Variants in GAB3 observed in about 807,000 individuals in gnomAD.
GAB3 encodes the protein GRB2-associated-binding protein 3.
GAB3 carries 12 observed loss-of-function variants against 40.4 expected under a neutral mutation model. That is an observed-to-expected ratio of 0.30 (90% CI 0.19 to 0.48). The LOEUF is 0.48. Among genes scored for constraint, GAB3 ranks in the 20% least tolerant of loss-of-function variants. The pLI, the probability that GAB3 is intolerant of heterozygous loss-of-function variation, is 0.99. For synonymous variants in GAB3, 154 were observed against 176.7 expected, an observed-to-expected ratio of 0.87 and a Z score of 1.02; for missense variants, 381 against 461.9, an observed-to-expected ratio of 0.82 and a Z score of 1.61.
rs1016213953 is a variant in GAB3, at chrX:154,694,927, T to C, written c.1530+990A>G. Among the ~76,000 whole-genome samples, 4 of 112,391 alleles carry C rather than the reference T, an allele frequency of 3.6e-5. No individual in the cohort carries two copies. The East Asian group carries it at 1.1e-3, about 31-fold the overall frequency. Reference sequence around the variant, plus strand: ...CATAACAGATTTGTATATGAGTCACTTTGCATCTGCATACGGTTAAGTGCA... The same window carrying C: ...CATAACAGATTTGTATATGAGTCACCTTGCATCTGCATACGGTTAAGTGCA... On this transcript the variant is annotated intron_variant, in intron 8 of 9. Coordinates refer to ENST00000424127, the MANE Select transcript of GAB3 (RefSeq NM_001081573.3).
chrX:154,751,128 G>A, upstream of GAB3: 1 of 715,596 alleles, frequency 1.4e-6, no homozygotes. Context: ...CGCCCGCCCA[G>A]CGCCGCCCCG....
intron 1 of GAB3, among the ~76,000 whole-genome samples, chrX:154,743,800 C>T (rs183437603): frequency 5.0e-4 from 56 of 111,521 alleles, no homozygotes; most frequent in African/African-American, 1.7e-3. Context: ...AAGGCAGAAA[C>T]TGAGGAGAAA....
intron 8 of GAB3, among the ~76,000 whole-genome samples, chrX:154,683,894 C>T (rs951538111): frequency 9.0e-6 from 1 of 111,615 alleles, no homozygotes; most frequent in Non-Finnish European, 1.9e-5. Flanking sequence ...TGGAAGCTTG[C>T]GGTCAATCTT....
chrX:154,681,785 T>C (rs1603421968), intron 8 of GAB3, among the ~76,000 whole-genome samples: 1 of 112,258 alleles, frequency 8.9e-6, no homozygotes, highest in East Asian at 2.8e-4. Flanking sequence ...CTCACTTGAA[T>C]GGATTTTAAT....
At chrX:154,743,991 G>A (rs1286604550) in intron 1 of GAB3, among the ~76,000 whole-genome samples, 3 of 110,400 alleles carry the variant, frequency 2.7e-5, no homozygotes, top group East Asian at 2.8e-4. Context: ...CAAGACAGGC[G>A]GATCACGAGG....
intron 8 of GAB3, 92 bp downstream of exon 8, chrX:154,695,825 G>T: frequency 2.0e-6 from 1 of 490,071 alleles, no homozygotes; most frequent in Middle Eastern, 6.3e-4. Flanking sequence ...AATTGCACAG[G>T]GCTTACTGAA....
intron 8 of GAB3, among the ~76,000 whole-genome samples, chrX:154,685,990 G>A (rs1353898964): frequency 9.0e-6 from 1 of 111,598 alleles, no homozygotes; most frequent in Non-Finnish European, 1.9e-5. Context: ...AGATCAAATA[G>A]ATAATGATCC....
At chrX:154,702,715 T>C (rs1427416520) in intron 4 of GAB3, among the ~76,000 whole-genome samples, 1 of 112,076 alleles carries the variant, frequency 8.9e-6, no homozygotes, top group Non-Finnish European at 1.9e-5. Context: ...AACAACTCTA[T>C]AGGAAAAAAG....
At chrX:154,708,595 C>G (rs2070854266) in intron 4 of GAB3, among the ~76,000 whole-genome samples, 1 of 112,013 alleles carries the variant, frequency 8.9e-6, no homozygotes, top group Admixed American at 9.4e-5. Context: ...AAATGGCCAA[C>G]AGGTATATGA....
At chrX:154,711,071 G>C (rs184431071) in intron 4 of GAB3, among the ~76,000 whole-genome samples, 57 of 111,938 alleles carry the variant, frequency 5.1e-4, no homozygotes, top group Non-Finnish European at 9.8e-4. Context: ...AACATCATTA[G>C]GGACATTAGG....
Position 154,678,066 on chromosome X carries a change from G to T in GAB3, c.*112C>A. ...AAACTACACATTCTCTCTTGGTTTT[G>T]ACCTGTGTTGACCATCAGTGTGTTT... On this transcript the variant is annotated 3_prime_UTR_variant, in exon 10 of 10. Transcript: ENST00000424127. The T allele has an allele frequency of 2.2e-6, 1 of 449,842 alleles. No homozygotes were observed. Among genetic ancestry groups the T allele is most frequent in the South Asian group, 4.1e-5 (1 of 24,364 alleles). 37.1% of individuals were successfully genotyped at this position (449,842 alleles called of 1,213,427 possible).
chrX:154,699,816 T>C (rs1447487217), intron 5 of GAB3, among the ~76,000 whole-genome samples, 188 bp downstream of exon 5: 1 of 111,975 alleles, frequency 8.9e-6, no homozygotes, highest in Non-Finnish European at 1.9e-5. Context: ...TCTGAACCAT[T>C]AGAACCAATA....
In GAB3 at chrX:154,712,643, A is replaced by G. The variant is rs782061356; in HGVS notation, c.655T>C (p.Phe219Leu). ...NSDRSLEQAS[F>L]DDVFVDCLQP... Reference sequence around the variant, plus strand: ...AGGCAGTCAACAAAAACATCATCAAATGAAGCCTGTTCCAATGAACGGTCT... The same window carrying G: ...AGGCAGTCAACAAAAACATCATCAAGTGAAGCCTGTTCCAATGAACGGTCT... Residue 219 changes from phenylalanine (F) to leucine (L), a missense_variant, in exon 4 of 10, where the codon TTT (phenylalanine) becomes CTT (leucine). Around this residue, in one of 2 missense-constraint regions of GAB3, gnomAD observed 364 missense variants for 421.0 expected, o/e 0.86. Coordinates refer to ENST00000424127, the MANE Select transcript of GAB3 (RefSeq NM_001081573.3). 21 of 1,139,296 alleles carry G rather than the reference A, an allele frequency of 1.8e-5. No individual in the cohort carries two copies. The South Asian group carries it at 3.9e-4, about 21-fold the overall frequency. The allele number at this position is 1,139,296 out of a possible 1,213,427, so 93.9% of individuals were successfully genotyped here. A position where few individuals can be genotyped will look rare whatever the true frequency, so the allele number is the denominator to read the frequency against.
At chrX:154,709,435 C>G (rs1438930887) in intron 4 of GAB3, among the ~76,000 whole-genome samples, 1 of 108,633 alleles carries the variant, frequency 9.2e-6, no homozygotes, top group Non-Finnish European at 1.9e-5. Context: ...ATTCTCCTGC[C>G]TCAGCCTCCC....
chrX:154,722,728 T>C (rs2071153392), intron 1 of GAB3, among the ~76,000 whole-genome samples: 1 of 111,795 alleles, frequency 8.9e-6, no homozygotes. Context: ...GCAAAGAAGA[T>C]ATTTCTATAC....
At chrX:154,741,485 A>G (rs923608904) in intron 1 of GAB3, among the ~76,000 whole-genome samples, 17 of 109,636 alleles carry the variant, frequency 1.6e-4, no homozygotes, top group Non-Finnish European at 2.9e-4. Flanking sequence ...AGACCAGCCT[A>G]GCCAACATGG....
intron 8 of GAB3, among the ~76,000 whole-genome samples, chrX:154,694,063 T>A (rs1557250021): frequency 8.9e-6 from 1 of 111,891 alleles, no homozygotes; most frequent in Non-Finnish European, 1.9e-5. Context: ...TATATACTTA[T>A]GCACAAAATC....
intron 8 of GAB3, among the ~76,000 whole-genome samples, chrX:154,682,111 C>T (rs1225536333): frequency 3.6e-5 from 4 of 112,199 alleles, no homozygotes; most frequent in African/African-American, 1.3e-4. Context: ...TTTGTTGTTA[C>T]TGTAAATGGT....
chrX:154,682,730 C>G (rs374600989), intron 8 of GAB3, among the ~76,000 whole-genome samples: 35 of 111,698 alleles, frequency 3.1e-4, no homozygotes, highest in African/African-American at 1.1e-3. Context: ...TTAATCCCAG[C>G]ACTTTGGGAG....
Sources: gnomAD v4.1 joint callset for allele counts (sites outside exome capture counted in the v4.1 genomes callset) on GRCh38, gnomAD v4.1.1 for gene constraint, gnomAD v4.1.1 regional missense constraint, MANE v1.5 for transcripts, NCBI Gene and HGNC (gene_info 2026-07-23, HGNC 2026-07-21) for gene names.